COPS4: variants seen among roughly 807,000 people sequenced by gnomAD.
The protein encoded by COPS4 is COP9 signalosome subunit 4.
In COPS4, 8 loss-of-function variants were observed where a neutral mutation model predicts 55.1. That is an observed-to-expected ratio of 0.15 (90% CI 0.09 to 0.26). The LOEUF is 0.26. Among genes scored for constraint, COPS4 ranks in the 10% least tolerant of loss-of-function variants. The probability of loss-of-function intolerance (pLI) is 1.00; values close to 1 mark genes in which losing one functional copy is unlikely to be tolerated. For synonymous variants in COPS4, 185 were observed against 165.7 expected (o/e 1.12, Z -0.90); for missense variants, 248 against 484.0 (o/e 0.51, Z 4.58).
At chr4:83,055,753 A>G (rs1404176753) in intron 4 of COPS4, among the ~76,000 whole-genome samples, 1 of 151,908 alleles carries the variant, frequency 6.6e-6, no homozygotes, top group Admixed American at 6.6e-5. Context: ...GTATTCTACC[A>G]TTTTTATGCA....
In COPS4 at chr4:83,066,573, A is replaced by G; in HGVS notation, c.1002+20A>G. On this transcript the variant is annotated intron_variant, in intron 8 of 9. Coordinates refer to ENST00000264389, the MANE Select transcript of COPS4 (RefSeq NM_016129.3). Reference sequence around the variant, plus strand: ...GCTAAGGTATCTTCTTGATTCCAATACATTTAAAAAAAAGTTAAGAGATGA... The same window carrying G: ...GCTAAGGTATCTTCTTGATTCCAATGCATTTAAAAAAAAGTTAAGAGATGA... 2.5e-6 allele frequency: 3 copies of G among 1,194,876 alleles called. No individual in the cohort carries two copies. The highest frequency in any genetic ancestry group is 3.6e-6 in the Non-Finnish European group (3 of 832,354). 74.0% of individuals were successfully genotyped at this position (1,194,876 alleles called of 1,614,324 possible).
intron 6 of COPS4, among the ~76,000 whole-genome samples, chr4:83,061,686 T>A (rs985403248): frequency 6.6e-6 from 1 of 152,172 alleles, no homozygotes; most frequent in East Asian, 1.9e-4. Flanking sequence ...ATGTTTAAAT[T>A]GTTCCAATCA....
At chr4:83,070,174 C>G (rs186769308) in intron 9 of COPS4, among the ~76,000 whole-genome samples, 1 of 152,318 alleles carries the variant, frequency 6.6e-6, no homozygotes, top group Non-Finnish European at 1.5e-5. Flanking sequence ...TCATAGTCAT[C>G]TTTGTAGAAT....
At chr4:83,049,657 A>G (rs1730808243) in intron 3 of COPS4, 2 of 507,574 alleles carry the variant, frequency 3.9e-6, no homozygotes, top group African/African-American at 3.9e-5. Context: ...AAACTACAGT[A>G]TTGTACCATA....
intron 2 of COPS4, among the ~76,000 whole-genome samples, chr4:83,048,113 A>G (rs1730768792): frequency 1.3e-5 from 2 of 152,226 alleles, no homozygotes; most frequent in South Asian, 2.1e-4. Context: ...GTTGAGTGCT[A>G]TGTACCAGGT....
chr4:83,065,449 G>A (rs906731738), intron 7 of COPS4, among the ~76,000 whole-genome samples: 1 of 152,152 alleles, frequency 6.6e-6, no homozygotes, highest in Non-Finnish European at 1.5e-5. Flanking sequence ...AGCAGATCGT[G>A]GGTGGAATTC....
chr4:83,035,189 A>G lies in COPS4; in HGVS notation c.-36A>G. On this transcript the variant is annotated 5_prime_UTR_variant, in exon 1 of 10. Coordinates refer to ENST00000264389, the MANE Select transcript of COPS4 (RefSeq NM_016129.3). The stretch of plus-strand genomic sequence containing the variant: ...CACACTCGTTTTCTTTTTGGCTGCC[A>G]GAGGCCCCCGCATCCACCGCTGAGC... 5 of 1,518,576 alleles carry G rather than the reference A, an allele frequency of 3.3e-6. No individual in the cohort carries two copies. The highest frequency in any genetic ancestry group is 3.6e-6 in the Non-Finnish European group (4 of 1,117,312). 94.1% of individuals were successfully genotyped at this position (1,518,576 alleles called of 1,614,324 possible).
At chr4:83,035,413 C>T (rs1274587141) in intron 1 of COPS4, 115 bp downstream of exon 1, 2 of 863,494 alleles carry the variant, frequency 2.3e-6, no homozygotes, top group East Asian at 7.9e-5. Flanking sequence ...GCCTGACGTC[C>T]AAGGGGGCGG....
chr4:83,046,578 T>A (rs1436064942), intron 2 of COPS4, among the ~76,000 whole-genome samples: 2 of 152,208 alleles, frequency 1.3e-5, no homozygotes, highest in Non-Finnish European at 2.9e-5. Context: ...GTGCCACATA[T>A]ACACCATAAA....
chr4:83,036,858 T>C (rs1730433420), intron 1 of COPS4, among the ~76,000 whole-genome samples: 1 of 152,206 alleles, frequency 6.6e-6, no homozygotes. Context: ...GTGCATTAGT[T>C]ATCAAAAGAA....
At chr4:83,073,527 A>T (rs1322186363) in intron 9 of COPS4, among the ~76,000 whole-genome samples, 1 of 152,146 alleles carries the variant, frequency 6.6e-6, no homozygotes, top group Non-Finnish European at 1.5e-5. Flanking sequence ...AGAAAAAAAA[A>T]GGGGGATTGT....
chr4:83,047,519 G>A (rs962467777), intron 2 of COPS4, among the ~76,000 whole-genome samples: 31 of 151,768 alleles, frequency 2.0e-4, no homozygotes, highest in African/African-American at 2.7e-4. Flanking sequence ...GCATCACTGC[G>A]CTCCAGCCTG....
At chr4:83,065,094 T>C in intron 7 of COPS4, 1 of 681,138 alleles carries the variant, frequency 1.5e-6, no homozygotes, top group Non-Finnish European at 2.7e-6. Context: ...AGGCTGGTCT[T>C]GAACTCCTGG....
At chr4:83,040,663 AAT>A (rs886937095) in intron 1 of COPS4, among the ~76,000 whole-genome samples, 9 of 152,160 alleles carry the variant, frequency 5.9e-5, no homozygotes, top group South Asian at 2.1e-4. Flanking sequence ...CTTTAGACAG[AAT>A]ATATGGTTTA....
Position 83,068,435 on chromosome 4 carries a change from T to G in COPS4, c.1003-3T>G. On this transcript the variant is annotated splice_region_variant and splice_polypyrimidine_tract_variant and intron_variant, in intron 8 of 9. Transcript: ENST00000264389. ...TTCTGAGAGTTTTTTTTTCCCCCAA[T>G]AGGCGGAAAAGATAGCATCTCAAAT... 1 of 1,597,182 alleles carries G rather than the reference T, an allele frequency of 6.3e-7. No homozygotes were observed. Among genetic ancestry groups the G allele is most frequent in the Non-Finnish European group, 8.6e-7 (1 of 1,167,036 alleles).
intron 6 of COPS4, among the ~76,000 whole-genome samples, chr4:83,061,266 A>G (rs1731159360): frequency 6.6e-6 from 1 of 152,118 alleles, no homozygotes; most frequent in Admixed American, 6.5e-5. Flanking sequence ...GAATTTTCAC[A>G]AACTGAACAC....
intron 9 of COPS4, among the ~76,000 whole-genome samples, chr4:83,071,933 A>G (rs1360641214): frequency 6.6e-6 from 1 of 151,750 alleles, no homozygotes; most frequent in African/African-American, 2.4e-5. Flanking sequence ...GATGGTCTTG[A>G]TCTCATGACC....
intron 1 of COPS4, among the ~76,000 whole-genome samples, chr4:83,043,091 A>G (rs574713104): frequency 6.6e-6 from 1 of 152,242 alleles, no homozygotes; most frequent in South Asian, 2.1e-4. Flanking sequence ...TATGTACACA[A>G]TTTCTAAGGC....
intron 9 of COPS4, among the ~76,000 whole-genome samples, chr4:83,071,387 C>T (rs575134888): frequency 2.0e-5 from 3 of 152,278 alleles, no homozygotes; most frequent in South Asian, 2.1e-4. Flanking sequence ...CTCCTTCTGG[C>T]CTTCCAGTAT....
Sources: allele counts gnomAD v4.1 joint callset (sites outside exome capture counted in the v4.1 genomes callset), GRCh38; gene constraint gnomAD v4.1.1; transcripts MANE v1.5; gene names NCBI Gene and HGNC (gene_info 2026-07-23, HGNC 2026-07-21).